Variants in FMN2 observed in about 807,000 individuals in gnomAD.
FMN2 encodes formin-2.
FMN2 carries 51 observed loss-of-function variants against 142.3 expected under a neutral mutation model. That is an observed-to-expected ratio of 0.36 (90% CI 0.29 to 0.45). FMN2 has a LOEUF of 0.45. FMN2 is among the 20% of genes least tolerant of loss of function. FMN2 has a pLI of 1.00. For synonymous variants in FMN2, 882 were observed against 869.8 expected (o/e 1.01, Z -0.25); for missense variants, 1,936 against 2,122.8 (o/e 0.91, Z 1.73).
At chr1:240,171,651 C>T (rs996770484) in intron 2 of FMN2, among the ~76,000 whole-genome samples, 1 of 152,140 alleles carries the variant, frequency 6.6e-6, no homozygotes, top group South Asian at 2.1e-4. Context: ...AAAATCTCAG[C>T]GAAGCACTCT....
chr1:240,256,172 T>C (rs1304044777), intron 6 of FMN2, among the ~76,000 whole-genome samples: 1 of 152,154 alleles, frequency 6.6e-6, no homozygotes, highest in Non-Finnish European at 1.5e-5. Flanking sequence ...CACTGACTTG[T>C]GGTTACAAAC....
chr1:240,159,136 T>C (rs753736209), intron 2 of FMN2, among the ~76,000 whole-genome samples: 7 of 152,134 alleles, frequency 4.6e-5, no homozygotes, highest in South Asian at 2.1e-4. Flanking sequence ...TAACAAGAAA[T>C]TTTAATTGGT....
At chr1:240,319,701 A>G (rs1670906539) in intron 8 of FMN2, among the ~76,000 whole-genome samples, 1 of 152,036 alleles carries the variant, frequency 6.6e-6, no homozygotes, top group South Asian at 2.1e-4. Flanking sequence ...TTGAATGTTC[A>G]GAACCTGGAA....
chr1:240,104,706 G>A (rs966128704), intron 1 of FMN2, among the ~76,000 whole-genome samples: 8 of 152,062 alleles, frequency 5.3e-5, no homozygotes, highest in African/African-American at 1.9e-4. Context: ...AAAAATCTAC[G>A]AACTTTTCTG....
At chr1:240,392,994 A>G (rs76346741) in intron 15 of FMN2, among the ~76,000 whole-genome samples, 29 of 151,994 alleles carry the variant, frequency 1.9e-4, no homozygotes, top group African/African-American at 6.7e-4. Flanking sequence ...AACATAGAAA[A>G]TATCTCAGAA....
chr1:240,407,471 G>A (rs553694316), intron 15 of FMN2, among the ~76,000 whole-genome samples: 2 of 152,174 alleles, frequency 1.3e-5, no homozygotes, highest in South Asian at 4.2e-4. Flanking sequence ...GTTGTAATCG[G>A]GGTTGGAGAA....
intron 4 of FMN2, among the ~76,000 whole-genome samples, chr1:240,193,154 C>G (rs1310835330): frequency 6.6e-6 from 1 of 152,036 alleles, no homozygotes; most frequent in African/African-American, 2.4e-5. Flanking sequence ...TTATTAATGG[C>G]CTGTGGAGAA....
In FMN2 at chr1:240,206,873, A is replaced by G. The variant is rs756711359; in HGVS notation, c.2061A>G (p.Arg687=). 1 of 1,614,152 alleles carries G rather than the reference A, an allele frequency of 6.2e-7. No homozygotes were observed. The highest frequency in any genetic ancestry group is 1.1e-5 in the South Asian group (1 of 91,086). The change falls in exon 5 of 18, where the codon AGA becomes AGG. Residue 687 remains arginine (R), a synonymous_variant. Coordinates refer to ENST00000319653, the MANE Select transcript of FMN2 (RefSeq NM_020066.5). The stretch of plus-strand genomic sequence containing the variant: ...TGGAACAGACTATTGAGGATCTGAG[A>G]ACCAAAATAGCTGAACTAGAGAGGC... ...QQLEQTIEDL[R]TKIAELERQY... is the part of the protein sequence containing the mutation.
At chr1:240,127,019 C>G (rs985978248) in intron 2 of FMN2, among the ~76,000 whole-genome samples, 3 of 151,828 alleles carry the variant, frequency 2.0e-5, no homozygotes, top group Non-Finnish European at 4.4e-5. Flanking sequence ...CTTGGAGGAG[C>G]ACAGACATGA....
chr1:240,345,851 C>T (rs1438986683), intron 13 of FMN2, among the ~76,000 whole-genome samples: 1 of 152,130 alleles, frequency 6.6e-6, no homozygotes, highest in Admixed American at 6.6e-5. Context: ...GATATATACT[C>T]CAGTGCACAG....
At chr1:240,199,870 T>C (rs912087327) in intron 4 of FMN2, among the ~76,000 whole-genome samples, 1 of 152,156 alleles carries the variant, frequency 6.6e-6, no homozygotes. Context: ...TTGCCAAGCT[T>C]ACTTTTCTCT....
chr1:240,406,109 G>T (rs1158095871), intron 15 of FMN2, among the ~76,000 whole-genome samples: 1 of 106,012 alleles, frequency 9.4e-6, no homozygotes, highest in Non-Finnish European at 1.9e-5. Flanking sequence ...CGGGAGTGGG[G>T]GAAGCGAAGG....
rs550906822 is a variant in FMN2, at chr1:240,334,786, G to A, written c.4765+557G>A. Among the ~76,000 whole-genome samples, 4 of 152,186 alleles carry A rather than the reference G, an allele frequency of 2.6e-5. No homozygotes were observed. In the South Asian group the frequency reaches 8.3e-4, roughly 32 times the overall value. On this transcript the variant is annotated intron_variant, in intron 13 of 17. Coordinates refer to ENST00000319653, the MANE Select transcript of FMN2 (RefSeq NM_020066.5). ...AGTAGCATTTACAAAAAAGCAAATA[G>A]TTTGCAGATTTTTTTATTTTGTAAG...
Position 240,473,628 on chromosome 1 carries a change from A to G in FMN2, c.5143-500A>G, listed in dbSNP as rs1031420917. Among the ~76,000 whole-genome samples, 11 of 152,186 alleles carry G rather than the reference A, an allele frequency of 7.2e-5. No homozygotes were observed. The highest frequency in any genetic ancestry group is 7.2e-4 in the Admixed American group (11 of 15,270). ...GTGGTGCCTTCAGTTTCTCTGTATC[A>G]AAATGATCTTATCTAATGATAACTA... On this transcript the variant is annotated intron_variant, in intron 17 of 17. Transcript: ENST00000319653. The surrounding 1 kb of genome is among the most constrained non-coding windows in gnomAD (Gnocchi z 4.3).
At chr1:240,311,731 T>G (rs1670610991) in intron 8 of FMN2, among the ~76,000 whole-genome samples, 1 of 152,220 alleles carries the variant, frequency 6.6e-6, no homozygotes, top group Non-Finnish European at 1.5e-5. Context: ...TTGCATAAAT[T>G]CCTGGAAAAT....
At position 240,207,459 on chromosome 1, in the gene FMN2, C is replaced by G; in HGVS notation, c.2647C>G (p.Leu883Val). Residue 883 changes from leucine (L) to valine (V), a missense_variant, in exon 5 of 18, where the codon CTC (leucine) becomes GTC (valine). Coordinates refer to ENST00000319653, the MANE Select transcript of FMN2 (RefSeq NM_020066.5). ...CATGGTGCCTCCCCCACCTCCCCCT[C>G]TCCCTGGCATGACAGTGCCTACTCT... ...LGMVPPPPPP[L>V]PGMTVPTLPS... 6.2e-7 allele frequency: 1 copy of G among 1,613,510 alleles called. No individual in the cohort carries two copies. The highest frequency in any genetic ancestry group is 8.5e-7 in the Non-Finnish European group (1 of 1,179,752).
At chr1:240,351,463 A>C (rs1462132704) in intron 13 of FMN2, among the ~76,000 whole-genome samples, 1 of 152,172 alleles carries the variant, frequency 6.6e-6, no homozygotes, top group African/African-American at 2.4e-5. Context: ...GAAATTCTAC[A>C]TGTTTCCCAG....
intron 6 of FMN2, among the ~76,000 whole-genome samples, chr1:240,233,908 C>G (rs1667612625): frequency 6.6e-6 from 1 of 152,122 alleles, no homozygotes; most frequent in Non-Finnish European, 1.5e-5. Flanking sequence ...TTCTTTACAA[C>G]TATTGACGAT....
intron 16 of FMN2, among the ~76,000 whole-genome samples, chr1:240,449,963 A>G (rs982424317): frequency 1.3e-5 from 2 of 152,028 alleles, no homozygotes; most frequent in Non-Finnish European, 2.9e-5. Flanking sequence ...TGTACAATAC[A>G]TATTATTATT....
Sources: allele counts gnomAD v4.1 joint callset (sites outside exome capture counted in the v4.1 genomes callset), GRCh38; gene constraint gnomAD v4.1.1; non-coding constraint Gnocchi (gnomAD v3.1); transcripts MANE v1.5; gene names NCBI Gene and HGNC (gene_info 2026-07-23, HGNC 2026-07-21).